XKR4: variants seen among roughly 807,000 people sequenced by gnomAD.
XKR4 encodes XK related 4.
A neutral mutation model predicts 53.9 loss-of-function variants in XKR4; 12 were observed. The ratio of observed to expected loss-of-function variants is 0.22; its 90% confidence interval spans 0.14 to 0.36. The LOEUF is 0.36. Among genes scored for constraint, XKR4 ranks in the 10% least tolerant of loss-of-function variants. The probability of loss-of-function intolerance (pLI) is 1.00; values close to 1 mark genes in which losing one functional copy is unlikely to be tolerated. For synonymous variants in XKR4, 354 were observed against 362.4 expected, an observed-to-expected ratio of 0.98 and a Z score of 0.26; for missense variants, 799 against 859.5, an observed-to-expected ratio of 0.93 and a Z score of 0.88.
chr8:55,449,538 G>A (rs1169041585), intron 2 of XKR4: 54 of 1,476,744 alleles, frequency 3.7e-5, no homozygotes, highest in Non-Finnish European at 4.7e-5. Context: ...CTCTGGATCC[G>A]GTCCACCCAC....
At chr8:55,502,226 T>G (rs1001493385) in intron 2 of XKR4, among the ~76,000 whole-genome samples, 3 of 152,228 alleles carry the variant, frequency 2.0e-5, no homozygotes, top group Non-Finnish European at 4.4e-5. Flanking sequence ...GAGGGCTGAC[T>G]ATGTATCCAG....
chr8:55,499,542 T>A (rs971247980), intron 2 of XKR4, among the ~76,000 whole-genome samples: 11 of 152,176 alleles, frequency 7.2e-5, no homozygotes, highest in Non-Finnish European at 1.2e-4. Flanking sequence ...CTGAAAAGTG[T>A]TCCAGAAGTG....
At position 55,397,838 on chromosome 8, in the gene XKR4, T is replaced by C. The variant is rs201542197; in HGVS notation, c.1006+39961T>C. On this transcript the variant is annotated intron_variant, in intron 2 of 2. Coordinates refer to ENST00000327381, the MANE Select transcript of XKR4 (RefSeq NM_052898.2). ...GATGCTGATTCAGACCTTAGCAGAT[T>C]CTAGGTAGGACTCACGGGCTACTCA... Among the ~76,000 whole-genome samples the C allele has an allele frequency of 3.8e-4, 58 of 152,250 alleles. 1 individual carries two copies. In the East Asian group the frequency reaches 7.5e-3, roughly 20 times the overall value.
chr8:55,396,151 A>T (rs1312821480), intron 2 of XKR4, among the ~76,000 whole-genome samples: 4 of 152,220 alleles, frequency 2.6e-5, no homozygotes, highest in African/African-American at 9.6e-5. Context: ...AGTTCATAAC[A>T]TGCCCTTCCA....
chr8:55,108,759 C>T (rs982759255), intron 1 of XKR4, among the ~76,000 whole-genome samples: 2 of 152,050 alleles, frequency 1.3e-5, no homozygotes, highest in African/African-American at 4.8e-5. Context: ...ATTTAACTGT[C>T]CAGAGAGCTT....
intron 1 of XKR4, among the ~76,000 whole-genome samples, chr8:55,207,610 C>G (rs907586498): frequency 6.6e-6 from 1 of 151,900 alleles, no homozygotes; most frequent in Non-Finnish European, 1.5e-5. Context: ...GAATGTCACA[C>G]CTTATACACA....
chr8:55,315,202 A>G (rs1336683823), intron 1 of XKR4, among the ~76,000 whole-genome samples: 2 of 152,182 alleles, frequency 1.3e-5, no homozygotes, highest in Non-Finnish European at 2.9e-5. Context: ...GCACTCATTC[A>G]TGGACCAGCT....
At position 55,523,682 on chromosome 8, in the gene XKR4, G is replaced by A. The variant is rs1785546482; in HGVS notation, c.1408G>A (p.Ala470Thr). The A allele has an allele frequency of 6.2e-7, 1 of 1,614,152 alleles. No homozygotes were observed. The highest frequency in any genetic ancestry group is 8.5e-7 in the Non-Finnish European group (1 of 1,180,020). Reference sequence around the variant, plus strand: ...TTTTGTGATCCTTTTGGAAAATACAGCCTTGAGTGCCCTCTGGTACCTCTA... The same window carrying A: ...TTTTGTGATCCTTTTGGAAAATACAACCTTGAGTGCCCTCTGGTACCTCTA... Reference protein sequence around the residue: ...YYFVILLENTALSALWYLYKA... With the variant: ...YYFVILLENTTLSALWYLYKA... The change falls in exon 3 of 3, where the codon GCC (alanine) becomes ACC (threonine). Residue 470 changes from alanine to threonine, a missense_variant. Ala to Thr is a moderately conservative substitution (Grantham distance 58, BLOSUM62 0). Transcript: ENST00000327381.
chr8:55,210,086 A>ATTT, intron 1 of XKR4, among the ~76,000 whole-genome samples: 1 of 141,864 alleles, frequency 7.0e-6, no homozygotes, highest in South Asian at 2.3e-4. Context: ...CATCCTCTCC[A>ATTT]TTTTTTTTTT....
intron 1 of XKR4, among the ~76,000 whole-genome samples, chr8:55,329,634 C>T (rs191484138): frequency 4.6e-5 from 7 of 152,270 alleles, no homozygotes; most frequent in Admixed American, 1.3e-4. Context: ...TGTTTACTGG[C>T]GTGTACTTCC....
intron 2 of XKR4, among the ~76,000 whole-genome samples, chr8:55,509,789 G>A (rs73680570): frequency 0.058 from 8,893 of 152,200 alleles, 668 homozygotes; most frequent in East Asian, 0.28. Context: ...CTAGACTAGA[G>A]GGATCCTTAA....
chr8:55,386,284 T>C (rs1286023305), intron 2 of XKR4, among the ~76,000 whole-genome samples: 2 of 152,206 alleles, frequency 1.3e-5, no homozygotes, highest in Non-Finnish European at 2.9e-5. Context: ...CAGAGTCCAC[T>C]GCATGCATGA....
At chr8:55,380,159 G>A (rs1281342452) in intron 2 of XKR4, among the ~76,000 whole-genome samples, 1 of 152,126 alleles carries the variant, frequency 6.6e-6, no homozygotes. Flanking sequence ...GAGAAACATT[G>A]GCAACATCTG....
chr8:55,188,407 C>G (rs778356798), intron 1 of XKR4, among the ~76,000 whole-genome samples: 7 of 152,116 alleles, frequency 4.6e-5, no homozygotes, highest in Non-Finnish European at 7.4e-5. Flanking sequence ...ACTTTGAGGT[C>G]TTATAATAAT....
intron 1 of XKR4, among the ~76,000 whole-genome samples, chr8:55,229,000 A>AAAC (rs1479769963): frequency 6.6e-6 from 1 of 152,024 alleles, no homozygotes; most frequent in African/African-American, 2.4e-5. Context: ...AGAACTTGAA[A>AAAC]AACAAACAAA....
chr8:55,471,232 G>T (rs1237336043), intron 2 of XKR4, among the ~76,000 whole-genome samples: 1 of 152,116 alleles, frequency 6.6e-6, no homozygotes. Flanking sequence ...GGCAGTACAG[G>T]TAGACAGGAA....
intron 2 of XKR4, among the ~76,000 whole-genome samples, chr8:55,504,848 A>G (rs1192975678): frequency 2.0e-5 from 3 of 151,768 alleles, no homozygotes; most frequent in Non-Finnish European, 4.4e-5. Context: ...TTGGCATACA[A>G]CTCTTCATAG....
At chr8:55,390,020 G>T (rs190087328) in intron 2 of XKR4, among the ~76,000 whole-genome samples, 95 of 152,242 alleles carry the variant, frequency 6.2e-4, no homozygotes, top group Middle Eastern at 3.4e-3. Flanking sequence ...TCAGTCCTAA[G>T]GGGAAATGCT....
At chr8:55,215,388 CT>C (rs1817785463) in intron 1 of XKR4, among the ~76,000 whole-genome samples, 2 of 152,132 alleles carry the variant, frequency 1.3e-5, no homozygotes, top group African/African-American at 4.8e-5. Flanking sequence ...GACAGCACAC[CT>C]TACAGACAAT....
Sources: gnomAD v4.1 joint callset for allele counts (sites outside exome capture counted in the v4.1 genomes callset) on GRCh38, gnomAD v4.1.1 for gene constraint, MANE v1.5 for transcripts, NCBI Gene and HGNC (gene_info 2026-07-23, HGNC 2026-07-21) for gene names.